MAP4: variants seen among roughly 807,000 people sequenced by gnomAD.
MAP4 encodes microtubule-associated protein 4.
In MAP4, 76 loss-of-function variants were observed where a neutral mutation model predicts 170.2. The observed-to-expected ratio is 0.45, with a 90% confidence interval of 0.37 to 0.54. The LOEUF (loss-of-function observed/expected upper bound fraction) is 0.54, where lower values mean the gene tolerates loss of function less well. Ranked by LOEUF, MAP4 falls within the 20% of genes least tolerant of loss-of-function variation. The pLI is 0.00. For missense variants in MAP4, 2,506 were observed against 2,748.0 expected, an observed-to-expected ratio of 0.91 and a Z score of 1.97; for synonymous variants, 909 against 994.5, an observed-to-expected ratio of 0.91 and a Z score of 1.62.
intron 2 of MAP4, chr3:47,987,376 C>T: frequency 6.5e-7 from 1 of 1,530,434 alleles, no homozygotes; most frequent in Non-Finnish European, 8.7e-7. Context: ...GGAAGAAAAG[C>T]ACTTACCAAG....
chr3:48,041,618 C>T lies in MAP4; in HGVS notation c.-19-42739G>A, dbSNP rs1475070771. ...CAACACTTTGGTAGGCCAAACTGGG[C>T]ATTATTACTTGAGCCCAGGAGTTCA... On this transcript the variant is annotated intron_variant, in intron 1 of 18. Coordinates refer to the MAP4 transcript ENST00000360240. Among the ~76,000 whole-genome samples, 3 of 152,056 alleles carry T rather than the reference C, an allele frequency of 2.0e-5. No homozygotes were observed. In the East Asian group the frequency reaches 5.8e-4, roughly 29 times the overall value.
rs747565035 is a variant in MAP4, at chr3:47,916,437, T to C, written c.1390A>G (p.Lys464Glu). ...PETNVILTKD[K>E]ALPLEAEVAP... ...ACCTCTGCTTCTAAAGGTAGTGCTT[T>C]ATCCTTGGTCAAGATCACGTTGGTT... The change falls in exon 7 of 21, where the codon AAA (lysine) becomes GAA (glutamate). Residue 464 changes from lysine (K) to glutamate (E), a missense_variant. Physicochemically the swap from Lys to Glu is moderately conservative, Grantham distance 56. Coordinates refer to ENST00000683076, the MANE Select transcript of MAP4 (RefSeq NM_001385682.1). The C allele has an allele frequency of 1.2e-6, 2 of 1,614,212 alleles. No homozygotes were observed. The highest frequency in any genetic ancestry group is 8.5e-7 in the Non-Finnish European group (1 of 1,180,036).
In MAP4 at chr3:47,871,504, T is replaced by C. The variant is rs532849885; in HGVS notation, c.5942-218A>G. Among the ~76,000 whole-genome samples, 14 of 152,284 alleles carry C rather than the reference T, an allele frequency of 9.2e-5. No individual in the cohort carries two copies. In the South Asian group the frequency reaches 2.7e-3, roughly 29 times the overall value. On this transcript the variant is annotated intron_variant, in intron 13 of 20. Transcript: ENST00000683076. ...TAAGCCTTCTATGTGGCCTTAAAAG[T>C]AGGCTGTCAATACATGCCTATGGAC...
At chr3:47,870,748 T>A in intron 15 of MAP4, 65 bp downstream of exon 15, 2 of 1,457,272 alleles carry the variant, frequency 1.4e-6, no homozygotes, top group Non-Finnish European at 1.8e-6. Flanking sequence ...CTGGGAACAG[T>A]GGGTGGAAAT....
intron 3 of MAP4, among the ~76,000 whole-genome samples, chr3:47,963,343 G>A (rs1373494383): frequency 6.6e-6 from 1 of 152,106 alleles, no homozygotes; most frequent in Non-Finnish European, 1.5e-5. Context: ...CCCCTTCAAC[G>A]AGGTTTCAAA....
chr3:48,050,819 C>T (rs1290097074), intron 1 of MAP4, among the ~76,000 whole-genome samples: 6 of 150,962 alleles, frequency 4.0e-5, no homozygotes, highest in Non-Finnish European at 5.9e-5. Flanking sequence ...GCAAGAGAAT[C>T]GCTTGAACCC....
Position 47,869,323 on chromosome 3 carries a change from TTGGCC to T in MAP4, c.6295-1_6298del. 6.2e-7 allele frequency: 1 copy of T among 1,608,452 alleles called. No homozygotes were observed. Among genetic ancestry groups the T allele is most frequent in the Non-Finnish European group, 8.5e-7 (1 of 1,174,892 alleles). On this transcript the variant is annotated splice_acceptor_variant and coding_sequence_variant, in exon 16 of 21. Coordinates refer to ENST00000683076, the MANE Select transcript of MAP4 (RefSeq NM_001385682.1). LOFTEE classifies it high-confidence loss of function. ...AGCTGCCTCTGTTTTTTTCTCTACT[TTGGCC>T]TGGATGGAGATAAAGGGAGGGCAAA...
intron 15 of MAP4, among the ~76,000 whole-genome samples, chr3:47,870,144 C>T (rs577385734): frequency 4.6e-5 from 7 of 152,266 alleles, no homozygotes; most frequent in Admixed American, 6.5e-5. Context: ...CATTCTCAGA[C>T]GGACTTTCAT....
chr3:48,087,739 GCACGCGCA>G (rs1384887993), intron 1 of MAP4, among the ~76,000 whole-genome samples: 1 of 59,538 alleles, frequency 1.7e-5, no homozygotes, highest in Admixed American at 2.2e-4. Context: ...GCACACACAC[GCACGCGCA>G]CACACACACA....
At chr3:48,010,423 T>C (rs1484777345) in intron 1 of MAP4, among the ~76,000 whole-genome samples, 2 of 152,238 alleles carry the variant, frequency 1.3e-5, no homozygotes, top group African/African-American at 4.8e-5. Context: ...TGACATAAGA[T>C]TTATTGATTT....
chr3:47,854,959 C>T (rs1173073668), intron 19 of MAP4, among the ~76,000 whole-genome samples: 1 of 152,208 alleles, frequency 6.6e-6, no homozygotes, highest in Non-Finnish European at 1.5e-5. Flanking sequence ...TGTCCCAGTC[C>T]GTGGCCTTCT....
intron 10 of MAP4, among the ~76,000 whole-genome samples, chr3:47,893,273 T>C (rs751101710): frequency 1.3e-5 from 2 of 152,148 alleles, no homozygotes; most frequent in African/African-American, 2.4e-5. Flanking sequence ...TATAAGACAT[T>C]TGTGTGACAA....
In MAP4 at chr3:48,057,522, T is replaced by C. The variant is rs531666951; in HGVS notation, c.-20+31251A>G. ...AGGAAAACCAGAGACCTTTGTTCAC[T>C]TGTTTATCTGCTGACCTTCCCTCCA... On this transcript the variant is annotated intron_variant, in intron 1 of 18. Coordinates refer to the MAP4 transcript ENST00000360240. 7.3e-5 allele frequency among the ~76,000 whole-genome samples: 10 copies of C among 137,032 alleles called. No homozygotes were observed. The South Asian group carries it at 2.5e-3, about 34-fold the overall frequency. The allele number at this position is 137,032 out of a possible 152,430, so 89.9% of individuals were successfully genotyped here.
intron 2 of MAP4, among the ~76,000 whole-genome samples, chr3:47,985,934 T>C (rs2100088383): frequency 2.0e-5 from 3 of 152,256 alleles, no homozygotes; most frequent in Non-Finnish European, 4.4e-5. Context: ...ATTCTTGTAA[T>C]GTGCTAATGC....
intron 1 of MAP4, among the ~76,000 whole-genome samples, chr3:48,081,121 C>G (rs1164335429): frequency 6.6e-6 from 1 of 151,752 alleles, no homozygotes. Flanking sequence ...GAGACTCCAT[C>G]TCAAAAAACA....
At chr3:48,022,460 T>C (rs966727596) in intron 1 of MAP4, among the ~76,000 whole-genome samples, 1 of 152,206 alleles carries the variant, frequency 6.6e-6, no homozygotes, top group South Asian at 2.1e-4. Flanking sequence ...TTATTTCTAA[T>C]TGTAACACTA....
intron 1 of MAP4, among the ~76,000 whole-genome samples, chr3:48,052,970 G>C (rs1440452413): frequency 6.6e-6 from 1 of 152,022 alleles, no homozygotes; most frequent in Non-Finnish European, 1.5e-5. Context: ...AAGTTGAAAG[G>C]ATAGCTTCCC....
chr3:47,875,483 G>A (rs1295952009), intron 12 of MAP4, among the ~76,000 whole-genome samples: 1 of 151,998 alleles, frequency 6.6e-6, no homozygotes, highest in Non-Finnish European at 1.5e-5. Flanking sequence ...TTTTTTGGCT[G>A]CTCCTCGTGG....
At chr3:48,063,050 C>A (rs1283799583) in intron 1 of MAP4, among the ~76,000 whole-genome samples, 1 of 151,222 alleles carries the variant, frequency 6.6e-6, no homozygotes, top group African/African-American at 2.4e-5. Context: ...TGTTCAATAA[C>A]ATATGTCATC....
Sources: gnomAD v4.1 joint callset for allele counts (sites outside exome capture counted in the v4.1 genomes callset) on GRCh38, gnomAD v4.1.1 for gene constraint, MANE v1.5 for transcripts, NCBI Gene and HGNC (gene_info 2026-07-23, HGNC 2026-07-21) for gene names.